The following ANKRD44 variants were observed in gnomAD, a reference collection of about 807,000 sequenced individuals.
ANKRD44 encodes serine/threonine-protein phosphatase 6 regulatory ankyrin repeat subunit B.
In ANKRD44, 35 loss-of-function variants were observed where a neutral mutation model predicts 116.0. That is an observed-to-expected ratio of 0.30 (90% CI 0.23 to 0.40). ANKRD44 has a LOEUF of 0.40. Ranked by LOEUF, ANKRD44 falls within the 10% of genes least tolerant of loss-of-function variation. The pLI, the probability that ANKRD44 is intolerant of heterozygous loss-of-function variation, is 1.00. For missense variants in ANKRD44, 1,014 were observed against 1,242.6 expected (o/e 0.82, Z 2.77); for synonymous variants, 435 against 461.8 (o/e 0.94, Z 0.74).
chr2:197,088,692 A>G lies in ANKRD44; in HGVS notation c.1247+19T>C. ...TGAATTAGTAACTCATAAATTAACTAGAATTGGTAACTACTCACCCTCCTG... is the reference window on the plus strand; with the variant it reads ...TGAATTAGTAACTCATAAATTAACTGGAATTGGTAACTACTCACCCTCCTG... On this transcript the variant is annotated intron_variant, in intron 12 of 27. Transcript: ENST00000282272. 1.3e-6 allele frequency: 2 copies of G among 1,555,636 alleles called. No individual in the cohort carries two copies. The highest frequency in any genetic ancestry group is 1.8e-6 in the Non-Finnish European group (2 of 1,134,804).
Position 197,025,263 on chromosome 2 carries a change from A to C in ANKRD44, c.1655T>G (p.Leu552Trp). Residue 552 changes from leucine (L) to tryptophan (W), a missense_variant, in exon 17 of 28, where the codon TTG becomes TGG. Coordinates refer to ENST00000282272, the MANE Select transcript of ANKRD44 (RefSeq NM_001195144.2). ...YGHRQCLELL[L>W]ERTNSGFEES... ...TTCAAATCCACTGTTTGTTCTTTCC[A>C]AAAGCTGTGGAGACAAAAAGCAAAC... 1 of 1,610,214 alleles carries C rather than the reference A, an allele frequency of 6.2e-7. No homozygotes were observed. The highest frequency in any genetic ancestry group is 8.5e-7 in the Non-Finnish European group (1 of 1,176,934).
intron 1 of ANKRD44, among the ~76,000 whole-genome samples, chr2:197,246,375 T>TTTTTTTTTG (rs1559181807): frequency 2.8e-5 from 4 of 141,084 alleles, no homozygotes; most frequent in African/African-American, 7.9e-5. Flanking sequence ...TTTTTTTTTT[T>TTTTTTTTTG]AGAGATGGGG....
At chr2:197,079,553 C>T (rs960184161) in intron 15 of ANKRD44, among the ~76,000 whole-genome samples, 3 of 152,200 alleles carry the variant, frequency 2.0e-5, no homozygotes, top group Non-Finnish European at 4.4e-5. Flanking sequence ...TCACAAGTAC[C>T]CAGGAATGTA....
intron 2 of ANKRD44, among the ~76,000 whole-genome samples, chr2:197,186,634 T>A (rs982010306): frequency 1.8e-5 from 2 of 110,376 alleles, no homozygotes; most frequent in Non-Finnish European, 3.4e-5. Flanking sequence ...TTTTTTTTTT[T>A]TTTTTTTTTT....
intron 8 of ANKRD44, among the ~76,000 whole-genome samples, chr2:197,119,516 G>T (rs1321253595): frequency 6.6e-6 from 1 of 152,074 alleles, no homozygotes; most frequent in Non-Finnish European, 1.5e-5. Flanking sequence ...CCAAGGAGCT[G>T]GGATTACAGG....
At chr2:197,024,889 C>G (rs553135884) in intron 17 of ANKRD44, among the ~76,000 whole-genome samples, 1 of 152,134 alleles carries the variant, frequency 6.6e-6, no homozygotes, top group African/African-American at 2.4e-5. Flanking sequence ...ATTTTAAAGA[C>G]GGTTAAACTC....
At chr2:197,232,848 C>A (rs754162125) in intron 1 of ANKRD44, among the ~76,000 whole-genome samples, 13 of 152,146 alleles carry the variant, frequency 8.5e-5, no homozygotes, top group Non-Finnish European at 1.8e-4. Context: ...CACAAGCATA[C>A]CAAGAAGAGA....
Position 197,005,840 on chromosome 2 carries a change from G to T in ANKRD44, c.2201C>A (p.Ser734Tyr). The change falls in exon 21 of 28, where the codon TCC (serine) becomes TAC (tyrosine). Residue 734 changes from serine (S) to tyrosine (Y), a missense_variant. Transcript: ENST00000282272. ...EQEVSILCKD[S>Y]RGRTPLHYAA... is the part of the protein sequence containing the mutation. ...ATAGTGCAAGGGCGTCCTCCCTCTG[G>T]AATCTTTACAGAGAATTGACACTTC... 1 of 1,614,266 alleles carries T rather than the reference G, an allele frequency of 6.2e-7. No individual in the cohort carries two copies. Among genetic ancestry groups the T allele is most frequent in the Non-Finnish European group, 8.5e-7 (1 of 1,180,052 alleles).
intron 18 of ANKRD44, 74 bp from the exon 19 acceptor site, chr2:197,009,105 T>C (rs1238236066): frequency 3.9e-6 from 5 of 1,292,184 alleles, no homozygotes; most frequent in East Asian, 2.4e-5. Flanking sequence ...ACTTTTTCTT[T>C]TTTTTGAGAT....
intron 17 of ANKRD44, chr2:197,015,277 G>T: frequency 2.7e-6 from 1 of 372,280 alleles, no homozygotes; most frequent in Non-Finnish European, 5.1e-6. Flanking sequence ...TTTGTTGGTG[G>T]TATTAAAGAA....
chr2:197,277,522 T>A (rs931491436), intron 1 of ANKRD44, among the ~76,000 whole-genome samples: 1 of 152,062 alleles, frequency 6.6e-6, no homozygotes, highest in Admixed American at 6.5e-5. Flanking sequence ...ACATACATTA[T>A]CTCCATCCAA....
intron 16 of ANKRD44, among the ~76,000 whole-genome samples, chr2:197,068,028 G>T (rs1467058736): frequency 2.1e-5 from 3 of 145,986 alleles, no homozygotes; most frequent in African/African-American, 5.1e-5. Flanking sequence ...ATACTATGCA[G>T]CCATAAAAAA....
intron 16 of ANKRD44, among the ~76,000 whole-genome samples, chr2:197,039,471 C>T (rs16860949): frequency 0.32 from 48,245 of 152,104 alleles, 9,840 homozygotes; most frequent in African/African-American, 0.59. Flanking sequence ...ACTTCGGCTA[C>T]TCCCTTGATA....
Position 197,112,239 on chromosome 2 carries a change from T to A in ANKRD44, c.907-1395A>T, listed in dbSNP as rs533030191. On this transcript the variant is annotated intron_variant, in intron 8 of 27. Transcript: ENST00000282272. ...AGGAAAAATTTCTCTAAGTCTGAGA[T>A]TAAAATACGAGGTTTTAAAAATGCA... 2.0e-5 allele frequency among the ~76,000 whole-genome samples: 3 copies of A among 152,320 alleles called. No homozygotes were observed. In the South Asian group the frequency reaches 6.2e-4, roughly 32 times the overall value.
chr2:197,110,214 T>C (rs1165582548), intron 9 of ANKRD44, among the ~76,000 whole-genome samples: 2 of 152,122 alleles, frequency 1.3e-5, no homozygotes, highest in African/African-American at 4.8e-5. Flanking sequence ...TGACCTCAGG[T>C]GATCTGCCCA....
chr2:197,103,227 CAAAAA>C (rs59073157), intron 9 of ANKRD44, among the ~76,000 whole-genome samples: 1 of 103,028 alleles, frequency 9.7e-6, no homozygotes. Context: ...GACTCCATCT[CAAAAA>C]AAAAAAAAAA....
At position 197,213,725 on chromosome 2, in the gene ANKRD44, C is replaced by T. The variant is rs896149499; in HGVS notation, c.28-26619G>A. 3.9e-5 allele frequency among the ~76,000 whole-genome samples: 6 copies of T among 152,082 alleles called. No individual in the cohort carries two copies. In the East Asian group the frequency reaches 7.7e-4, roughly 20 times the overall value. On this transcript the variant is annotated intron_variant, in intron 1 of 27. Coordinates refer to ENST00000282272, the MANE Select transcript of ANKRD44 (RefSeq NM_001195144.2). ...TGTAGACTGGCTCATACAATCTGGCCGATTTATATAGCCAGTTTGAACCAA... is the reference window on the plus strand; with the variant it reads ...TGTAGACTGGCTCATACAATCTGGCTGATTTATATAGCCAGTTTGAACCAA...
intron 2 of ANKRD44, among the ~76,000 whole-genome samples, chr2:197,182,433 C>T (rs1230203160): frequency 1.3e-5 from 2 of 152,194 alleles, no homozygotes; most frequent in Non-Finnish European, 2.9e-5. Flanking sequence ...CTGGATGCTT[C>T]CTCTATTCAA....
In ANKRD44 at chr2:197,000,435, T is replaced by C. The variant is rs747656658; in HGVS notation, c.2503A>G (p.Arg835Gly). Residue 835 changes from arginine to glycine, a missense_variant, in exon 23 of 28, where the codon AGA becomes GGA. By Grantham distance (125) the Arg-to-Gly change is moderately radical. Coordinates refer to ENST00000282272, the MANE Select transcript of ANKRD44 (RefSeq NM_001195144.2). The stretch of plus-strand genomic sequence containing the variant: ...ATTACTTACCTGCCTTTGTCATCTC[T>C]ACAACTGACGATACTGGAATCTATG... ...GAIDSSIVSC[R>G]DDKGRTPLHA... 19 of 1,613,880 alleles carry C rather than the reference T, an allele frequency of 1.2e-5. No homozygotes were observed. Among genetic ancestry groups the C allele is most frequent in the Non-Finnish European group, 1.6e-5 (19 of 1,179,912 alleles).
Sources: gnomAD v4.1 joint callset for allele counts (sites outside exome capture counted in the v4.1 genomes callset) on GRCh38, gnomAD v4.1.1 for gene constraint, MANE v1.5 for transcripts, NCBI Gene and HGNC (gene_info 2026-07-23, HGNC 2026-07-21) for gene names.